TSPAN32: variants seen among roughly 807,000 people sequenced by gnomAD.
TSPAN32 encodes tetraspanin 32, also known as tetraspanin-32.
Under a neutral mutation model 42.7 loss-of-function variants are expected in TSPAN32, and 47 were observed. The observed-to-expected ratio is 1.10, with a 90% CI of 0.87 to 1.40. TSPAN32 has a LOEUF of 1.40. Ranked by LOEUF, TSPAN32 falls within the 40% of genes most tolerant of loss-of-function variation. The probability of loss-of-function intolerance (pLI) is 0.00; values close to 1 mark genes in which losing one functional copy is unlikely to be tolerated. For synonymous variants in TSPAN32, 175 were observed against 175.9 expected, an observed-to-expected ratio of 0.99 and a Z score of 0.04; for missense variants, 469 against 424.1, an observed-to-expected ratio of 1.11 and a Z score of -0.93.
At chr11:2,303,097 G>A in intron 2 of TSPAN32, 139 bp downstream of exon 2, 1 of 737,648 alleles carries the variant, frequency 1.4e-6, no homozygotes, top group Non-Finnish European at 2.2e-6. Context: ...GGCAGGGAGG[G>A]GCTGCCCTGG....
rs1369543918 is a variant in TSPAN32 at position 2,304,242 on chromosome 11, A to G, written c.279+38A>G. On this transcript the variant is annotated intron_variant, in intron 3 of 9. Transcript: ENST00000182290. This position sits in a 1 kb window ranked among gnomAD's most constrained non-coding sequence, Gnocchi z 4.8. ...TGTTCCCAGATGCCCAGGCCCCCAGAAAAGAATTAGAAAGGAGTGAAGAGC... is the reference window on the plus strand; with the variant it reads ...TGTTCCCAGATGCCCAGGCCCCCAGGAAAGAATTAGAAAGGAGTGAAGAGC... 1.4e-6 allele frequency: 2 copies of G among 1,426,254 alleles called. No individual in the cohort carries two copies. Among genetic ancestry groups the G allele is most frequent in the East Asian group, 5.1e-5 (2 of 39,484 alleles). 88.3% of individuals were successfully genotyped at this position (1,426,254 alleles called of 1,614,324 possible).
At chr11:2,316,527 G>T (rs749709275) in intron 7 of TSPAN32, 49 bp from the exon 8 acceptor site, 16 of 1,609,400 alleles carry the variant, frequency 9.9e-6, no homozygotes, top group Non-Finnish European at 1.4e-5. Context: ...CTGGGGAGGG[G>T]CGCCCGCACC....
At chr11:2,305,370 G>GCCT (rs1848013826) in intron 3 of TSPAN32, among the ~76,000 whole-genome samples, 1 of 135,256 alleles carries the variant, frequency 7.4e-6, no homozygotes, top group Admixed American at 7.3e-5. Context: ...CAGGTAGTCT[G>GCCT]CCCCCCCCCC....
At position 2,317,573 on chromosome 11, in the gene TSPAN32, G is replaced by T. The variant is rs1427447165; in HGVS notation, c.901+48G>T. 3 of 1,532,738 alleles carry T rather than the reference G, an allele frequency of 2.0e-6. No individual in the cohort carries two copies. The highest frequency in any genetic ancestry group is 1.7e-6 in the Non-Finnish European group (2 of 1,143,826). The allele number at this position is 1,532,738 out of a possible 1,614,324, so 94.9% of individuals were successfully genotyped here. On this transcript the variant is annotated intron_variant, in intron 9 of 9. Coordinates refer to ENST00000182290, the MANE Select transcript of TSPAN32 (RefSeq NM_139022.3). The surrounding 1 kb of genome is among the most constrained non-coding windows in gnomAD (Gnocchi z 6.2). ...CCCTCATGGGATCCCTGAGGGGAGG[G>T]TCCGAGCTGTGAGGAGGGAAGGGAG...
At chr11:2,309,800 G>A (rs993929556) in intron 4 of TSPAN32, among the ~76,000 whole-genome samples, 21 of 152,096 alleles carry the variant, frequency 1.4e-4, no homozygotes, top group African/African-American at 2.2e-4. Context: ...GGTCCCCACC[G>A]TGGTTTGCAA....
chr11:2,302,988 G>A (rs1847851643), intron 2 of TSPAN32, 30 bp downstream of exon 2: 1 of 1,592,432 alleles, frequency 6.3e-7, no homozygotes, highest in South Asian at 1.1e-5. Flanking sequence ...GGCTGCATCG[G>A]GAGGGGCCTC....
At position 2,317,127 on chromosome 11, in the gene TSPAN32, TC is replaced by T. The variant is rs1848844348; in HGVS notation, c.720-214del. Among the ~76,000 whole-genome samples, 1 of 152,204 alleles carries T rather than the reference TC, an allele frequency of 6.6e-6. No homozygotes were observed. Among genetic ancestry groups the T allele is most frequent in the African/African-American group, 2.4e-5 (1 of 41,522 alleles). On this transcript the variant is annotated intron_variant, in intron 8 of 9. Coordinates refer to ENST00000182290, the MANE Select transcript of TSPAN32 (RefSeq NM_139022.3). This position sits in a 1 kb window ranked among gnomAD's most constrained non-coding sequence, Gnocchi z 6.2. ...CTCTTCCTGGCCATCCAAGCCCTCA[TC>T]CCTGGGTCCTCTGCATTCTACAATA...
chr11:2,307,455 G>A (rs1050949072), intron 3 of TSPAN32, among the ~76,000 whole-genome samples: 1 of 152,164 alleles, frequency 6.6e-6, no homozygotes, highest in Admixed American at 6.5e-5. Context: ...ACTCCTGGGG[G>A]AGCTGCCCGG....
intron 6 of TSPAN32, chr11:2,315,021 T>C: frequency 1.2e-5 from 1 of 81,004 alleles, no homozygotes; most frequent in Non-Finnish European, 2.4e-5. Flanking sequence ...TGAAGGGCAC[T>C]CAGAGGAGAA....
chr11:2,303,211 G>A (rs905772245), intron 2 of TSPAN32, among the ~76,000 whole-genome samples: 5 of 152,122 alleles, frequency 3.3e-5, no homozygotes, highest in African/African-American at 1.2e-4. Context: ...GGTATATGTC[G>A]GGCAGGGTCA....
rs537397562 is a variant in TSPAN32, at chr11:2,306,525, C to T, written c.280-2211C>T. ...TCCACCACCCAAGATCCTCTCTGCGCGGGAGGTTGGTGGTGGGGGGAGAGA... is the reference window on the plus strand; with the variant it reads ...TCCACCACCCAAGATCCTCTCTGCGTGGGAGGTTGGTGGTGGGGGGAGAGA... On this transcript the variant is annotated intron_variant, in intron 3 of 9. Coordinates refer to ENST00000182290, the MANE Select transcript of TSPAN32 (RefSeq NM_139022.3). Among the ~76,000 whole-genome samples, 7 of 150,404 alleles carry T rather than the reference C, an allele frequency of 4.7e-5. No individual in the cohort carries two copies. The East Asian group carries it at 5.9e-4, about 13-fold the overall frequency.
At chr11:2,305,934 ATGCATGTGTG>A (rs1336351788) in intron 3 of TSPAN32, among the ~76,000 whole-genome samples, 1 of 152,212 alleles carries the variant, frequency 6.6e-6, no homozygotes, top group African/African-American at 2.4e-5. Context: ...ATTGAGCTGC[ATGCATGTGTG>A]TGCATGAGGG....
intron 6 of TSPAN32, chr11:2,315,161 C>A: frequency 1.7e-5 from 10 of 589,234 alleles, no homozygotes; most frequent in Non-Finnish European, 2.4e-5. Context: ...CGGCAGCCCT[C>A]CCCCAGCCCA....
chr11:2,311,389 C>G (rs79662754), intron 4 of TSPAN32, among the ~76,000 whole-genome samples: 1 of 152,154 alleles, frequency 6.6e-6, no homozygotes, highest in Admixed American at 6.5e-5. Context: ...ACGTTCTCCT[C>G]GAGGGCTGAG....
chr11:2,307,197 G>A (rs1365729402), intron 3 of TSPAN32, among the ~76,000 whole-genome samples: 4 of 152,160 alleles, frequency 2.6e-5, no homozygotes, highest in Admixed American at 2.0e-4. Flanking sequence ...GTGCTTGGGG[G>A]CCAGCAGGGC....
At chr11:2,302,294 A>T in intron 1 of TSPAN32, 79 bp downstream of exon 1, 8 of 1,310,738 alleles carry the variant, frequency 6.1e-6, no homozygotes, top group Non-Finnish European at 7.9e-6. Context: ...CAGCACAGGG[A>T]TTATCCCTCC....
At chr11:2,303,263 A>G (rs1351643198) in intron 2 of TSPAN32, 2 of 271,520 alleles carry the variant, frequency 7.4e-6, no homozygotes, top group East Asian at 1.0e-4. Context: ...CTGTGCAGTC[A>G]GGGCTCAGTC....
chr11:2,315,806 T>A, intron 6 of TSPAN32: 1 of 1,323,026 alleles, frequency 7.6e-7, no homozygotes, highest in Non-Finnish European at 9.9e-7. Context: ...GGGACCCCCC[T>A]CACACCCCTC....
intron 4 of TSPAN32, among the ~76,000 whole-genome samples, chr11:2,310,636 G>A (rs560807171): frequency 5.3e-5 from 8 of 152,344 alleles, no homozygotes; most frequent in South Asian, 4.1e-4. Flanking sequence ...TCCTTGGGCC[G>A]CCCTTGGGCA....
Sources: allele counts gnomAD v4.1 joint callset (sites outside exome capture counted in the v4.1 genomes callset), GRCh38; gene constraint gnomAD v4.1.1; non-coding constraint Gnocchi (gnomAD v3.1); transcripts MANE v1.5; gene names NCBI Gene and HGNC (gene_info 2026-07-23, HGNC 2026-07-21).